Variants in EYA2 observed in about 807,000 individuals in gnomAD.
EYA2 encodes protein phosphatase EYA2.
Under a neutral mutation model 69.2 loss-of-function variants are expected in EYA2, and 31 were observed. That is an observed-to-expected ratio of 0.45 (90% CI 0.34 to 0.60). The LOEUF (loss-of-function observed/expected upper bound fraction) is 0.60. Among genes scored for constraint, EYA2 ranks in the 20% least tolerant of loss-of-function variants. EYA2 has a pLI of 0.02. For missense variants in EYA2, 622 were observed against 701.2 expected (o/e 0.89, Z 1.28); for synonymous variants, 257 against 279.4 (o/e 0.92, Z 0.80).
At chr20:47,138,085 C>T (rs150186160) in intron 9 of EYA2, among the ~76,000 whole-genome samples, 2,577 of 151,506 alleles carry the variant, frequency 0.017, 109 homozygotes, top group East Asian at 0.16. Context: ...CACATGTATA[C>T]ATATGTAACT....
At chr20:47,184,860 G>A (rs1228521776) in intron 15 of EYA2, among the ~76,000 whole-genome samples, 1 of 152,112 alleles carries the variant, frequency 6.6e-6, no homozygotes, top group African/African-American at 2.4e-5. Context: ...TTTCAAACAC[G>A]GTTGGTTTTC....
intron 1 of EYA2, among the ~76,000 whole-genome samples, chr20:46,924,110 T>C (rs1401457179): frequency 6.6e-6 from 1 of 152,192 alleles, no homozygotes; most frequent in Non-Finnish European, 1.5e-5. Context: ...TTGACAGTGA[T>C]TTATATTTGT....
At chr20:46,964,923 G>T (rs1029233638) in intron 1 of EYA2, among the ~76,000 whole-genome samples, 1 of 152,158 alleles carries the variant, frequency 6.6e-6, no homozygotes, top group Non-Finnish European at 1.5e-5. Flanking sequence ...AGTAAGGGAC[G>T]GTCAGTGAGT....
intron 5 of EYA2, among the ~76,000 whole-genome samples, chr20:47,062,495 C>T (rs2030930314): frequency 6.6e-6 from 1 of 152,194 alleles, no homozygotes; most frequent in Non-Finnish European, 1.5e-5. Context: ...CATCAGGCTC[C>T]AGGATCGGTG....
At chr20:47,060,028 C>T (rs2030807523) in intron 5 of EYA2, among the ~76,000 whole-genome samples, 1 of 152,290 alleles carries the variant, frequency 6.6e-6, no homozygotes, top group East Asian at 1.9e-4. Flanking sequence ...CCAACTAACT[C>T]ATATTTGTTA....
At chr20:47,118,962 A>G (rs2032975229) in intron 9 of EYA2, among the ~76,000 whole-genome samples, 2 of 152,172 alleles carry the variant, frequency 1.3e-5, no homozygotes, top group Admixed American at 6.5e-5. Flanking sequence ...ACCTACAACA[A>G]ATTGTCAGCT....
chr20:47,022,763 C>T (rs950348759), intron 5 of EYA2, among the ~76,000 whole-genome samples: 1 of 148,690 alleles, frequency 6.7e-6, no homozygotes. Flanking sequence ...AAGTGATTCT[C>T]CCGCCTCAGC....
chr20:47,107,140 G>A (rs1221961428), intron 9 of EYA2, among the ~76,000 whole-genome samples: 2 of 152,144 alleles, frequency 1.3e-5, no homozygotes, highest in Non-Finnish European at 2.9e-5. Flanking sequence ...AGGCCCTGGG[G>A]ATGCGGCAGG....
intron 5 of EYA2, among the ~76,000 whole-genome samples, chr20:47,020,808 AAAT>A (rs146342955): frequency 0.014 from 2,118 of 152,330 alleles, 38 homozygotes; most frequent in East Asian, 0.078. Flanking sequence ...TTGGGAGACT[AAAT>A]AACATGATTC....
chr20:47,078,910 C>T (rs560374197), intron 7 of EYA2, among the ~76,000 whole-genome samples: 4 of 152,082 alleles, frequency 2.6e-5, no homozygotes, highest in Admixed American at 6.6e-5. Flanking sequence ...CTCAACTATT[C>T]GACATCTAAG....
chr20:47,024,914 T>G (rs1219905877), intron 5 of EYA2, among the ~76,000 whole-genome samples: 3 of 152,258 alleles, frequency 2.0e-5, no homozygotes, highest in Admixed American at 1.3e-4. Flanking sequence ...TAACAGCAGC[T>G]GAATGTAAAA....
intron 1 of EYA2, among the ~76,000 whole-genome samples, chr20:46,985,670 G>A (rs192049193): frequency 2.6e-5 from 4 of 152,284 alleles, no homozygotes; most frequent in Admixed American, 2.6e-4. Context: ...GGGAGTGGTG[G>A]GGACTGTGAC....
At chr20:47,057,151 A>G (rs147397621) in intron 5 of EYA2, among the ~76,000 whole-genome samples, 226 of 125,866 alleles carry the variant, frequency 1.8e-3, no homozygotes, top group Non-Finnish European at 3.6e-3. Flanking sequence ...GGAAGGAAGG[A>G]AGGAAGGAAG....
At chr20:47,139,009 G>A (rs1257585278) in intron 9 of EYA2, among the ~76,000 whole-genome samples, 1 of 152,140 alleles carries the variant, frequency 6.6e-6, no homozygotes, top group Non-Finnish European at 1.5e-5. Flanking sequence ...TGTATTTTTT[G>A]ATGTGTCCCT....
At chr20:47,005,290 A>C in intron 4 of EYA2, among the ~76,000 whole-genome samples, 1 of 152,244 alleles carries the variant, frequency 6.6e-6, no homozygotes, top group East Asian at 1.9e-4. Context: ...CAAGAATTGG[A>C]AATTGAACCC....
At chr20:46,988,551 G>A (rs1981444856) in intron 1 of EYA2, among the ~76,000 whole-genome samples, 1 of 152,124 alleles carries the variant, frequency 6.6e-6, no homozygotes, top group Non-Finnish European at 1.5e-5. Flanking sequence ...TTATGATAAC[G>A]ACGTGCTCAC....
At chr20:47,159,346 C>T (rs887181636) in intron 10 of EYA2, among the ~76,000 whole-genome samples, 1 of 151,954 alleles carries the variant, frequency 6.6e-6, no homozygotes, top group Admixed American at 6.5e-5. Flanking sequence ...AGAAAAACAT[C>T]GGAAAAATCC....
At chr20:46,941,005 C>T (rs1159585283) in intron 1 of EYA2, among the ~76,000 whole-genome samples, 1 of 152,230 alleles carries the variant, frequency 6.6e-6, no homozygotes, top group Non-Finnish European at 1.5e-5. Context: ...GGGGAGGCAA[C>T]TATGAAATCA....
At chr20:46,919,302 A>G (rs987668547) in intron 1 of EYA2, among the ~76,000 whole-genome samples, 6 of 152,238 alleles carry the variant, frequency 3.9e-5, no homozygotes, top group Admixed American at 3.9e-4. Context: ...TAGCTATGAA[A>G]GCCCTAGATG....
Sources: gnomAD v4.1 joint callset for allele counts (sites outside exome capture counted in the v4.1 genomes callset) on GRCh38, gnomAD v4.1.1 for gene constraint, MANE v1.5 for transcripts, NCBI Gene and HGNC (gene_info 2026-07-23, HGNC 2026-07-21) for gene names.